Variants in DSP observed in about 807,000 individuals in gnomAD.
DSP encodes the protein 250/210 kDa paraneoplastic pemphigus antigen.
DSP carries 114 observed loss-of-function variants against 290.6 expected under a neutral mutation model. The ratio of observed to expected loss-of-function variants is 0.39; its 90% CI spans 0.34 to 0.46. The LOEUF is 0.46. Ranked by LOEUF, DSP falls within the 20% of genes least tolerant of loss-of-function variation. The pLI, the probability that DSP is intolerant of heterozygous loss-of-function variation, is 0.99. For missense variants in DSP, 3,230 were observed against 3,495.8 expected (o/e 0.92, Z 1.92); for synonymous variants, 1,311 against 1,316.4 (o/e 1.00, Z 0.09).
At chr6:7,551,170 T>G (rs1758330758) in intron 1 of DSP, among the ~76,000 whole-genome samples, 1 of 152,158 alleles carries the variant, frequency 6.6e-6, no homozygotes, top group South Asian at 2.1e-4. Flanking sequence ...TTCCTAAAAT[T>G]GAGTTACAGA....
In DSP at chr6:7,576,558, A is replaced by C. The variant is rs944148703; in HGVS notation, c.2793+102A>C. ...TCAGTGCCTAGGTTTGAAATGATGA[A>C]TATTTAATATTACTAACCCATTTTG... On this transcript the variant is annotated intron_variant, in intron 19 of 23. Coordinates refer to ENST00000379802, the MANE Select transcript of DSP (RefSeq NM_004415.4). The C allele has an allele frequency of 5.6e-6, 8 of 1,433,288 alleles. No individual in the cohort carries two copies. In the African/African-American group the frequency reaches 1.1e-4, roughly 20 times the overall value. 88.8% of individuals were successfully genotyped at this position (1,433,288 alleles called of 1,614,324 possible).
At chr6:7,574,871 A>T in intron 17 of DSP, 76 bp downstream of exon 17, 1 of 1,604,116 alleles carries the variant, frequency 6.2e-7, no homozygotes, top group Non-Finnish European at 8.5e-7. Context: ...ATAAAGCCTC[A>T]CTGGGTTTTC....
chr6:7,574,056 A>G (rs1759147772), intron 15 of DSP, 30 bp from the exon 16 acceptor site: 1 of 1,613,236 alleles, frequency 6.2e-7, no homozygotes, highest in Non-Finnish European at 8.5e-7. Context: ...AATCAGCTAA[A>G]TCAAAAGAGC....
In DSP at chr6:7,585,433, A is replaced by G. The variant is rs1759623133; in HGVS notation, c.8171A>G (p.Gln2724Arg). 6.2e-7 allele frequency: 1 copy of G among 1,614,174 alleles called. No individual in the cohort carries two copies. Among genetic ancestry groups the G allele is most frequent in the Non-Finnish European group, 8.5e-7 (1 of 1,180,030 alleles). The change falls in exon 24 of 24, where the codon CAG becomes CGG. Residue 2724 changes from glutamine (Q) to arginine (R), a missense_variant. Around this residue, in one of 5 missense-constraint regions of DSP, gnomAD observed 582 missense variants for 555.4 expected, o/e 1.05. Transcript: ENST00000379802. ...AAATGGCTCCCGTATGAGGCTGGCC[A>G]GCGCTTCCTGGAGTTCCAGTACCTC... ...KEKWLPYEAGQRFLEFQYLTG... is the reference protein window; with the variant it reads ...KEKWLPYEAGRRFLEFQYLTG...
Position 7,579,348 on chromosome 6 carries a change from A to G in DSP, c.3158A>G (p.Asn1053Ser). The change falls in exon 23 of 24, where the codon AAT becomes AGT. Residue 1053 changes from asparagine (N) to serine (S), a missense_variant. Physicochemically the swap from Asn to Ser is conservative, Grantham distance 46. Coordinates refer to ENST00000379802, the MANE Select transcript of DSP (RefSeq NM_004415.4). The surrounding 1 kb of genome is among the most constrained non-coding windows in gnomAD (Gnocchi z 4.1). ...LARDANSENCNKNKFLDQNLQ... is the reference protein window; with the variant it reads ...LARDANSENCSKNKFLDQNLQ... ...CGAGATGCCAACTCGGAAAACTGTA[A>G]TAAGAACAAATTCCTGGATCAGAAC... The G allele has an allele frequency of 1.2e-6, 2 of 1,614,230 alleles. No individual in the cohort carries two copies. The highest frequency in any genetic ancestry group is 1.7e-6 in the Non-Finnish European group (2 of 1,180,040).
rs1463941003 is a variant in DSP at position 7,586,360 on chromosome 6, T to G, written c.*482T>G. 1 of 170,634 alleles carries G rather than the reference T, an allele frequency of 5.9e-6. No individual in the cohort carries two copies. The allele number at this position is 170,634 out of a possible 1,614,324, so 10.6% of individuals were successfully genotyped here. A position where few individuals can be genotyped will look rare whatever the true frequency, so the allele number is the denominator to read the frequency against. On this transcript the variant is annotated 3_prime_UTR_variant, in exon 24 of 24. Transcript: ENST00000379802. ...AACCCCCAACCCAAAACCAAGCATT[T>G]TGGAATGAGTCTCCTTTAGTTTCAG...
chr6:7,555,521 G>C (rs1758481916), intron 1 of DSP, among the ~76,000 whole-genome samples, 197 bp from the exon 2 acceptor site: 1 of 152,092 alleles, frequency 6.6e-6, no homozygotes, highest in Non-Finnish European at 1.5e-5. Flanking sequence ...TATACACACA[G>C]ATAAATACAC....
chr6:7,575,377 C>T lies in DSP; in HGVS notation c.2519C>T (p.Ser840Phe), dbSNP rs1349797680. The T allele has an allele frequency of 6.2e-7, 1 of 1,613,990 alleles. No individual in the cohort carries two copies. Among genetic ancestry groups the T allele is most frequent in the Admixed American group, 1.7e-5 (1 of 59,996 alleles). Residue 840 changes from serine (S) to phenylalanine (F), a missense_variant, in exon 18 of 24, where the codon TCT becomes TTT. By Grantham distance (155) the Ser-to-Phe change is radical (BLOSUM62 -2). Coordinates refer to ENST00000379802, the MANE Select transcript of DSP (RefSeq NM_004415.4). ...CTACAGAAAGCCCAGCAGATCCACTCTCAGACTTCACAGCAGTATCCACTT... is the reference window on the plus strand; with the variant it reads ...CTACAGAAAGCCCAGCAGATCCACTTTCAGACTTCACAGCAGTATCCACTT... ...TELQKAQQIH[S>F]QTSQQYPLYD...
In DSP at chr6:7,585,711, T is replaced by G; in HGVS notation, c.8449T>G (p.Tyr2817Asp). The change falls in exon 24 of 24, where the codon TAC becomes GAC. Residue 2817 changes from tyrosine to aspartate, a missense_variant. Tyr to Asp is a radical substitution (Grantham distance 160). This residue lies in a region of DSP where 582 missense variants were observed against 555.4 expected (regional missense o/e 1.05). Coordinates refer to ENST00000379802, the MANE Select transcript of DSP (RefSeq NM_004415.4). ...SVSSKGLPSPYNMSSAPGSRS... is the reference protein window; with the variant it reads ...SVSSKGLPSPDNMSSAPGSRS... ...GTCGTCCAAGGGCTTACCCAGCCCT[T>G]ACAACATGTCTTCGGCTCCGGGGTC... 2.5e-6 allele frequency: 4 copies of G among 1,613,578 alleles called. No individual in the cohort carries two copies. The highest frequency in any genetic ancestry group is 3.4e-6 in the Non-Finnish European group (4 of 1,179,748).
At chr6:7,560,708 C>G (rs887012503) in intron 4 of DSP, among the ~76,000 whole-genome samples, 1 of 152,126 alleles carries the variant, frequency 6.6e-6, no homozygotes, top group Non-Finnish European at 1.5e-5. Flanking sequence ...GAAGACATAG[C>G]GGAGCTGATG....
intron 1 of DSP, among the ~76,000 whole-genome samples, chr6:7,544,397 C>G (rs1758111265): frequency 6.6e-6 from 1 of 152,124 alleles, no homozygotes; most frequent in Admixed American, 6.5e-5. Context: ...CCACTGCTCT[C>G]TGCTAAGTGA....
At chr6:7,563,500 G>C (rs890129456) in intron 5 of DSP, among the ~76,000 whole-genome samples, 3 of 152,104 alleles carry the variant, frequency 2.0e-5, no homozygotes, top group African/African-American at 7.2e-5. Context: ...GTCTTTAAGT[G>C]ACCCTGATCT....
In DSP at chr6:7,583,076, G is replaced by A; in HGVS notation, c.5814G>A (p.Glu1938=). ...CAGAACGCTCCCGATATCAGAGGGA[G>A]ATTGATAAACTCAGACAGCGCCCAT... ...LETERSRYQR[E]IDKLRQRPYG... is the part of the protein sequence containing the mutation. The change falls in exon 24 of 24, where the codon GAG becomes GAA. Residue 1938 remains glutamate (E), a synonymous_variant. Coordinates refer to ENST00000379802, the MANE Select transcript of DSP (RefSeq NM_004415.4). The surrounding 1 kb of genome is among the most constrained non-coding windows in gnomAD (Gnocchi z 4.0). 1.2e-6 allele frequency: 2 copies of A among 1,614,106 alleles called. No homozygotes were observed. The highest frequency in any genetic ancestry group is 1.7e-6 in the Non-Finnish European group (2 of 1,180,028).
In DSP at chr6:7,558,097, T is replaced by C. The variant is rs369836467; in HGVS notation, c.274-19T>C. 3 of 1,614,226 alleles carry C rather than the reference T, an allele frequency of 1.9e-6. No homozygotes were observed. Among genetic ancestry groups the C allele is most frequent in the Non-Finnish European group, 1.7e-6 (2 of 1,180,012 alleles). ...TCCTGGTAGTATGTGTTTTCCTTCA[T>C]GTGAGTGTTTTCTTTCAGGAATTGA... On this transcript the variant is annotated intron_variant, in intron 2 of 23. Transcript: ENST00000379802.
intron 8 of DSP, 32 bp downstream of exon 8, chr6:7,566,513 A>G (rs771285881): frequency 1.1e-5 from 14 of 1,324,616 alleles, no homozygotes; most frequent in South Asian, 2.6e-5. Context: ...TTTTTGTTAG[A>G]AAAAAAAAAA....
chr6:7,567,656 C>A (rs983256375), intron 9 of DSP, 125 bp from the exon 10 acceptor site: 29 of 1,468,532 alleles, frequency 2.0e-5, no homozygotes, highest in Non-Finnish European at 2.5e-5. Flanking sequence ...ACTTTCTGCA[C>A]GAATTTTTTC....
intron 22 of DSP, among the ~76,000 whole-genome samples, chr6:7,578,897 T>G (rs1030062914): frequency 4.6e-5 from 7 of 152,250 alleles, no homozygotes; most frequent in African/African-American, 9.6e-5. Flanking sequence ...ATTCAGTGAT[T>G]GTTCCCTTTA....
At position 7,581,052 on chromosome 6, in the gene DSP, A is replaced by G. The variant is rs1226931552; in HGVS notation, c.4862A>G (p.Gln1621Arg). Residue 1621 changes from glutamine (Q) to arginine (R), a missense_variant, in exon 23 of 24, where the codon CAG (glutamine) becomes CGG (arginine). Gln to Arg is a conservative substitution (Grantham distance 43). Coordinates refer to ENST00000379802, the MANE Select transcript of DSP (RefSeq NM_004415.4). The stretch of plus-strand genomic sequence containing the variant: ...ACCAACCTGACCCAGCAGCTGGAGC[A>G]GGCATCCATTGTTAAGAAGAGGAGT... ...KITNLTQQLEQASIVKKRSED... is the reference protein window; with the variant it reads ...KITNLTQQLERASIVKKRSED... 2 of 1,613,978 alleles carry G rather than the reference A, an allele frequency of 1.2e-6. No individual in the cohort carries two copies. The highest frequency in any genetic ancestry group is 1.3e-5 in the African/African-American group (1 of 74,948).
chr6:7,570,675 G>C, intron 13 of DSP, 112 bp downstream of exon 13: 2 of 1,483,244 alleles, frequency 1.3e-6, no homozygotes, highest in Non-Finnish European at 1.8e-6. Flanking sequence ...TTTGTGTCTC[G>C]TCAAGCAAGT....
Sources: gnomAD v4.1 joint callset for allele counts (sites outside exome capture counted in the v4.1 genomes callset) on GRCh38, gnomAD v4.1.1 for gene constraint, gnomAD v4.1.1 regional missense constraint, Gnocchi (gnomAD v3.1) non-coding constraint, MANE v1.5 for transcripts, NCBI Gene and HGNC (gene_info 2026-07-23, HGNC 2026-07-21) for gene names.